The following FALEC variants were observed in gnomAD, a reference collection of about 807,000 sequenced individuals.
FALEC encodes focally amplified lncRNA regulator of ECM1, also known as focally amplified lncRNA on chromosome 1.
the FALEC span, among the ~76,000 whole-genome samples, chr1:150,527,602 G>A: frequency 8.5e-5 from 13 of 152,122 alleles, no homozygotes; most frequent in Admixed American, 3.9e-4. Flanking sequence ...AGCACCAGAG[G>A]CTGGGCATGG....
the FALEC span, among the ~76,000 whole-genome samples, chr1:150,525,689 C>A: frequency 2.0e-5 from 3 of 152,158 alleles, no homozygotes; most frequent in Non-Finnish European, 4.4e-5. Context: ...CTCATTTTGC[C>A]TAGCTTATTT....
At chr1:150,532,453 A>G in the FALEC span, among the ~76,000 whole-genome samples, 4 of 152,110 alleles carry the variant, frequency 2.6e-5, no homozygotes, top group African/African-American at 9.7e-5. Context: ...ATCACAAAAG[A>G]GTTTTTGTTA....
downstream of FALEC, among the ~76,000 whole-genome samples, chr1:150,521,805 C>T (rs984803962): frequency 6.6e-5 from 10 of 152,210 alleles, no homozygotes; most frequent in African/African-American, 2.4e-4. Flanking sequence ...CAATACTGCA[C>T]AGTTGGTAGC....
At chr1:150,520,529 G>A (rs1570891949), downstream of FALEC, among the ~76,000 whole-genome samples, 1 of 151,924 alleles carries the variant, frequency 6.6e-6, no homozygotes, top group Non-Finnish European at 1.5e-5. Flanking sequence ...ATATTCCATT[G>A]TATGTGTATA....
At chr1:150,529,248 G>T in the FALEC span, among the ~76,000 whole-genome samples, 1 of 152,176 alleles carries the variant, frequency 6.6e-6, no homozygotes, top group Non-Finnish European at 1.5e-5. Flanking sequence ...TAAAGGCCCA[G>T]CTGGGATTAG....
chr1:150,516,032 T>A (rs1393269726), exon 1 of FALEC: 1 of 150,412 alleles, frequency 6.6e-6, no homozygotes, highest in Non-Finnish European at 1.5e-5. Flanking sequence ...GATCACGAGG[T>A]CAGGAGTTCA....
downstream of FALEC, among the ~76,000 whole-genome samples, chr1:150,522,928 T>TATATATACATATATATATAC (rs1560270767): frequency 4.2e-4 from 6 of 14,250 alleles, no homozygotes; most frequent in East Asian, 5.6e-3. Context: ...TATATATACA[T>TATATATACATATATATATAC]ATATATGTGT....
At chr1:150,517,829 G>A (rs1303271653) in exon 2 of FALEC, 1 of 152,306 alleles carries the variant, frequency 6.6e-6, no homozygotes, top group Non-Finnish European at 1.5e-5. Flanking sequence ...GTTTCACAGA[G>A]GGAAGACATG....
At chr1:150,524,391 T>A in the FALEC span, among the ~76,000 whole-genome samples, 7 of 152,162 alleles carry the variant, frequency 4.6e-5, no homozygotes, top group Non-Finnish European at 8.8e-5. Flanking sequence ...CATCATAAGT[T>A]ATTAAGAATA....
chr1:150,523,476 G>GA, the FALEC span, among the ~76,000 whole-genome samples: 1 of 151,152 alleles, frequency 6.6e-6, no homozygotes, highest in East Asian at 2.0e-4. Context: ...CCAACATGGT[G>GA]AAACCCTGTC....
At chr1:150,522,892 T>TATATATATACATATATATAC (rs1670666263), downstream of FALEC, among the ~76,000 whole-genome samples, 1 of 73,844 alleles carries the variant, frequency 1.4e-5, no homozygotes, top group Non-Finnish European at 2.9e-5. Context: ...TATATACGTA[T>TATATATATACATATATATAC]ATATATATAT....
At chr1:150,523,649 GT>G in the FALEC span, among the ~76,000 whole-genome samples, 1 of 122,310 alleles carries the variant, frequency 8.2e-6, no homozygotes, top group South Asian at 2.7e-4. Flanking sequence ...GCGAGACTCC[GT>G]CAAAAAAAAA....
the FALEC span, among the ~76,000 whole-genome samples, chr1:150,535,371 G>C: frequency 1.2e-4 from 18 of 152,064 alleles, no homozygotes; most frequent in African/African-American, 4.1e-4. Flanking sequence ...AGCCTCCCAA[G>C]TAGCTGGGAT....
exon 1 of FALEC, chr1:150,516,036 G>A (rs1400101935): frequency 1.3e-5 from 2 of 151,950 alleles, no homozygotes; most frequent in African/African-American, 4.8e-5. Flanking sequence ...ACGAGGTCAG[G>A]AGTTCAAGAC....
the FALEC span, among the ~76,000 whole-genome samples, chr1:150,535,410 A>G: frequency 6.6e-6 from 1 of 152,180 alleles, no homozygotes; most frequent in East Asian, 1.9e-4. Flanking sequence ...CGCCTGGCTA[A>G]TTTTTGTATT....
chr1:150,529,267 C>G, the FALEC span, among the ~76,000 whole-genome samples: 1 of 152,170 alleles, frequency 6.6e-6, no homozygotes. Flanking sequence ...AGAAACCATA[C>G]GTGTGCATTG....
At chr1:150,534,716 G>T in the FALEC span, among the ~76,000 whole-genome samples, 1 of 151,772 alleles carries the variant, frequency 6.6e-6, no homozygotes, top group South Asian at 2.1e-4. Context: ...GTGGCGCGTG[G>T]CTGTAATCCC....
chr1:150,533,872 TAATAAGG>T, the FALEC span, among the ~76,000 whole-genome samples: 4 of 152,202 alleles, frequency 2.6e-5, no homozygotes, highest in African/African-American at 9.7e-5. Flanking sequence ...TGGGGTATTT[TAATAAGG>T]ATGTTCAGAT....
the FALEC span, among the ~76,000 whole-genome samples, chr1:150,534,859 AT>A: frequency 4.2e-5 from 6 of 143,190 alleles, no homozygotes; most frequent in South Asian, 4.4e-4. Context: ...AAAAAAAAAA[AT>A]GTCCTCTCTA....
Sources: allele counts gnomAD v4.1 joint callset (sites outside exome capture counted in the v4.1 genomes callset), GRCh38; gene constraint gnomAD v4.1.1; transcripts MANE v1.5; gene names NCBI Gene and HGNC (gene_info 2026-07-23, HGNC 2026-07-21).